The following PPP1R12A variants were observed in gnomAD, a reference collection of about 807,000 sequenced individuals.
The protein encoded by PPP1R12A is myosin binding subunit.
A neutral mutation model predicts 139.6 loss-of-function variants in PPP1R12A; 19 were observed. That is an observed-to-expected ratio of 0.14 (90% CI 0.09 to 0.20). The LOEUF is 0.20. Among genes scored for constraint, PPP1R12A ranks in the 10% least tolerant of loss-of-function variants. PPP1R12A has a pLI of 1.00. For synonymous variants in PPP1R12A, 427 were observed against 420.6 expected (o/e 1.02, Z -0.19); for missense variants, 925 against 1,211.5 (o/e 0.76, Z 3.51).
At position 79,797,157 on chromosome 12, in the gene PPP1R12A, T is replaced by C. The variant is rs747161735; in HGVS notation, c.2292+38A>G. ...TGTTAAGGATCATAAGGACTATTCA[T>C]ACCATTTGACTTAAATGTGCTTTTG... On this transcript the variant is annotated intron_variant, in intron 16 of 24. Transcript: ENST00000450142. 1.5e-5 allele frequency: 23 copies of C among 1,498,702 alleles called. No homozygotes were observed. The African/African-American group carries it at 3.2e-4, about 21-fold the overall frequency. 92.8% of individuals were successfully genotyped at this position (1,498,702 alleles called of 1,614,324 possible). A position where few individuals can be genotyped will look rare whatever the true frequency, so the allele number is the denominator to read the frequency against.
chr12:79,816,144 C>G (rs1030434181), intron 9 of PPP1R12A, among the ~76,000 whole-genome samples: 2 of 151,996 alleles, frequency 1.3e-5, no homozygotes, highest in Admixed American at 1.3e-4. Flanking sequence ...AAACGAGCAA[C>G]AAAATAAGAA....
chr12:79,921,641 TA>T (rs1887448989), intron 1 of PPP1R12A, among the ~76,000 whole-genome samples: 1 of 152,192 alleles, frequency 6.6e-6, no homozygotes, highest in African/African-American at 2.4e-5. Context: ...AACTAGATTG[TA>T]TACTACATGT....
intron 17 of PPP1R12A, among the ~76,000 whole-genome samples, chr12:79,796,397 G>C (rs191656210): frequency 1.2e-4 from 19 of 152,118 alleles, no homozygotes; most frequent in Non-Finnish European, 2.5e-4. Flanking sequence ...AGTAATTTTA[G>C]TTTACAACAA....
intron 1 of PPP1R12A, among the ~76,000 whole-genome samples, chr12:79,922,707 G>A (rs915353888): frequency 1.3e-5 from 2 of 152,212 alleles, no homozygotes; most frequent in Non-Finnish European, 2.9e-5. Flanking sequence ...CAAGGGTAGG[G>A]AGAGCATTAG....
intron 22 of PPP1R12A, chr12:79,782,583 G>A (rs1483627413): frequency 4.4e-6 from 2 of 454,890 alleles, no homozygotes; most frequent in Non-Finnish European, 8.8e-6. Context: ...GTTGTATCCT[G>A]TACTGGAGAG....
chr12:79,804,640 T>C (rs1194618750), intron 14 of PPP1R12A, among the ~76,000 whole-genome samples: 2 of 151,256 alleles, frequency 1.3e-5, no homozygotes, highest in African/African-American at 4.9e-5. Context: ...TGGTCAGTAT[T>C]TTAGTAAAAA....
At position 79,820,898 on chromosome 12, in the gene PPP1R12A, A is replaced by C; in HGVS notation, c.990T>G (p.Asn330Lys). Reference protein sequence around the residue: ...KETLIIEPEKNASRIESLEQE... With the variant: ...KETLIIEPEKKASRIESLEQE... ...GTTCCAGAGATTCAATACGGGATGC[A>C]TTTTTCTCTGGTTCAATAATCAACG... is the stretch of plus-strand genomic sequence containing the variant. The change falls in exon 8 of 25, where the codon AAT becomes AAG. Residue 330 changes from asparagine (N) to lysine (K), a missense_variant. Asn to Lys is a moderately conservative substitution (Grantham distance 94, BLOSUM62 0). Transcript: ENST00000450142. 6.2e-7 allele frequency: 1 copy of C among 1,613,404 alleles called. No individual in the cohort carries two copies. Among genetic ancestry groups the C allele is most frequent in the South Asian group, 1.1e-5 (1 of 91,082 alleles).
intron 5 of PPP1R12A, among the ~76,000 whole-genome samples, chr12:79,827,219 A>G (rs1434301266): frequency 6.6e-6 from 1 of 152,176 alleles, no homozygotes; most frequent in Non-Finnish European, 1.5e-5. Context: ...GTATTTGTAT[A>G]TAAGTACAAA....
At position 79,796,827 on chromosome 12, in the gene PPP1R12A, T is replaced by C. The variant is rs765243399; in HGVS notation, c.2416A>G (p.Ile806Val). 10 of 1,611,640 alleles carry C rather than the reference T, an allele frequency of 6.2e-6. No homozygotes were observed. In the East Asian group the frequency reaches 6.7e-5, roughly 11 times the overall value. The change falls in exon 17 of 25, where the codon ATA becomes GTA. Residue 806 changes from isoleucine to valine, a missense_variant. Physicochemically the swap from Ile to Val is conservative, Grantham distance 29 (BLOSUM62 3). Around this residue, in one of 4 missense-constraint regions of PPP1R12A, gnomAD observed 315 missense variants for 363.4 expected, o/e 0.87. Transcript: ENST00000450142. Reference sequence around the variant, plus strand: ...ATTCCTCTGGAGTAAGCAGAAGTTATGCCTACAAGACTATTTGGCCTGTTT... The same window carrying C: ...ATTCCTCTGGAGTAAGCAGAAGTTACGCCTACAAGACTATTTGGCCTGTTT... ...QLNRPNSLVG[I>V]TSAYSRGITK...
chr12:79,907,806 G>C (rs1047480161), intron 1 of PPP1R12A, among the ~76,000 whole-genome samples: 3 of 152,170 alleles, frequency 2.0e-5, no homozygotes, highest in Non-Finnish European at 2.9e-5. Flanking sequence ...GCTGAGGCAG[G>C]AGTGTTGCTT....
chr12:79,851,786 T>C (rs1245030048), intron 2 of PPP1R12A, among the ~76,000 whole-genome samples: 1 of 152,240 alleles, frequency 6.6e-6, no homozygotes, highest in East Asian at 1.9e-4. Flanking sequence ...GCTCTTTTGC[T>C]ACAGTCCCTG....
chr12:79,904,426 T>G (rs528241539), intron 1 of PPP1R12A, among the ~76,000 whole-genome samples: 2 of 152,236 alleles, frequency 1.3e-5, no homozygotes, highest in South Asian at 4.1e-4. Context: ...CAAAACATTT[T>G]GAATGGAGTG....
chr12:79,927,921 AAAG>A, intron 1 of PPP1R12A, among the ~76,000 whole-genome samples: 1 of 152,344 alleles, frequency 6.6e-6, no homozygotes, highest in East Asian at 1.9e-4. Flanking sequence ...CAAACTTTCA[AAAG>A]AAGGGTGGAG....
At chr12:79,915,907 A>G (rs1318228730) in intron 1 of PPP1R12A, among the ~76,000 whole-genome samples, 1 of 152,114 alleles carries the variant, frequency 6.6e-6, no homozygotes, top group Non-Finnish European at 1.5e-5. Context: ...CCGTAAAGAC[A>G]TAACAAGAGC....
intron 4 of PPP1R12A, among the ~76,000 whole-genome samples, chr12:79,828,972 T>C (rs1156263679): frequency 6.6e-6 from 1 of 151,950 alleles, no homozygotes; most frequent in Non-Finnish European, 1.5e-5. Flanking sequence ...GAGCTGAAAA[T>C]TTTCAAAGGA....
chr12:79,813,597 T>C (rs1874874903), intron 9 of PPP1R12A, among the ~76,000 whole-genome samples: 1 of 152,176 alleles, frequency 6.6e-6, no homozygotes, highest in Admixed American at 6.5e-5. Flanking sequence ...GAAGAATAGA[T>C]AATCTGCTTT....
intron 1 of PPP1R12A, among the ~76,000 whole-genome samples, chr12:79,882,980 T>C (rs560863690): frequency 6.6e-6 from 1 of 152,068 alleles, no homozygotes; most frequent in Non-Finnish European, 1.5e-5. Flanking sequence ...CTACTAAAAA[T>C]ACAAAAATGA....
chr12:79,804,022 G>A (rs933944914), intron 14 of PPP1R12A, among the ~76,000 whole-genome samples: 2 of 152,048 alleles, frequency 1.3e-5, no homozygotes, highest in African/African-American at 4.8e-5. Context: ...CTATGCTAGA[G>A]ATAGAAAAGA....
intron 2 of PPP1R12A, among the ~76,000 whole-genome samples, chr12:79,869,518 G>C (rs1241137703): frequency 6.6e-6 from 1 of 152,150 alleles, no homozygotes; most frequent in Non-Finnish European, 1.5e-5. Flanking sequence ...ACTCTTCCTG[G>C]AAGAAATGAC....
Sources: allele counts gnomAD v4.1 joint callset (sites outside exome capture counted in the v4.1 genomes callset), GRCh38; gene constraint gnomAD v4.1.1; regional missense constraint gnomAD v4.1.1; transcripts MANE v1.5; gene names NCBI Gene and HGNC (gene_info 2026-07-23, HGNC 2026-07-21).